FAM114A2: variants seen among roughly 807,000 people sequenced by gnomAD.
The protein encoded by FAM114A2 is family with sequence similarity 114 member A2, also known as protein FAM114A2.
FAM114A2 carries 53 observed loss-of-function variants against 58.4 expected under a neutral mutation model. That is an observed-to-expected ratio of 0.91 (90% confidence interval 0.73 to 1.14). The LOEUF (loss-of-function observed/expected upper bound fraction) is 1.14, where lower values mean the gene tolerates loss of function less well. Among genes scored for constraint, FAM114A2 ranks in the 50% most tolerant of loss-of-function variants. FAM114A2 has a pLI of 0.00. For synonymous variants in FAM114A2, 228 were observed against 211.4 expected (o/e 1.08, Z -0.68); for missense variants, 601 against 581.1 (o/e 1.03, Z -0.35).
chr5:154,019,821 C>T (rs928718628), intron 8 of FAM114A2, among the ~76,000 whole-genome samples: 4 of 152,060 alleles, frequency 2.6e-5, no homozygotes, highest in South Asian at 2.1e-4. Context: ...GGGATAATTG[C>T]TAGCCACATG....
chr5:154,031,202 T>C (rs978173446), intron 4 of FAM114A2, among the ~76,000 whole-genome samples: 3 of 149,244 alleles, frequency 2.0e-5, no homozygotes, highest in Non-Finnish European at 4.4e-5. Flanking sequence ...ATCCCAGCTA[T>C]TTGGGAGGCT....
Position 153,997,837 on chromosome 5 carries a change from G to A in FAM114A2, c.1295C>T (p.Ser432Phe). 1 of 1,603,528 alleles carries A rather than the reference G, an allele frequency of 6.2e-7. No homozygotes were observed. The highest frequency in any genetic ancestry group is 8.5e-7 in the Non-Finnish European group (1 of 1,170,666). Reference protein sequence around the residue: ...IVLCKELSSLSKEFTTCLTTA... With the variant: ...IVLCKELSSLFKEFTTCLTTA... ...TGTTAGGCAGGTAGTGAACTCTTTA[G>A]ACAGAGAGGACAACTCTTTACACAA... The change falls in exon 12 of 14, where the codon TCT becomes TTT. Residue 432 changes from serine to phenylalanine, a missense_variant. By Grantham distance (155) the Ser-to-Phe change is radical (BLOSUM62 -2). Coordinates refer to ENST00000351797, the MANE Select transcript of FAM114A2 (RefSeq NM_018691.4).
chr5:154,035,403 C>T (rs2113519595), intron 1 of FAM114A2, among the ~76,000 whole-genome samples: 1 of 152,298 alleles, frequency 6.6e-6, no homozygotes, highest in East Asian at 1.9e-4. Context: ...TCCTCCATCT[C>T]TGTAATTCTG....
chr5:154,029,519 G>A lies in FAM114A2; in HGVS notation c.465C>T (p.Phe155=). 1 of 1,610,564 alleles carries A rather than the reference G, an allele frequency of 6.2e-7. No individual in the cohort carries two copies. Among genetic ancestry groups the A allele is most frequent in the South Asian group, 1.1e-5 (1 of 90,948 alleles). The change falls in exon 5 of 14, where the codon TTC becomes TTT. Residue 155 remains phenylalanine, a synonymous_variant. Coordinates refer to ENST00000351797, the MANE Select transcript of FAM114A2 (RefSeq NM_018691.4). ...TCTGAACAGCAGTAGAGATGGTAGA[G>A]AATACACCAAATGCCCCAGCCACTG... The part of the protein sequence containing the change: ...SSPVAGAFGV[F]STISTAVQST...
At chr5:154,010,161 A>C (rs578204483) in intron 9 of FAM114A2, among the ~76,000 whole-genome samples, 1 of 152,248 alleles carries the variant, frequency 6.6e-6, no homozygotes, top group Admixed American at 6.5e-5. Flanking sequence ...ATATGTATAC[A>C]TGTATTTACA....
At chr5:154,033,732 T>G in intron 4 of FAM114A2, 59 bp downstream of exon 4, 1 of 997,024 alleles carries the variant, frequency 1.0e-6, no homozygotes, top group Non-Finnish European at 1.6e-6. Context: ...ACTGAAAAAT[T>G]AGTTCAACTG....
chr5:154,011,423 T>A (rs1451456374), intron 8 of FAM114A2, 103 bp from the exon 9 acceptor site: 3 of 704,390 alleles, frequency 4.3e-6, no homozygotes, highest in Admixed American at 4.6e-5. Flanking sequence ...GCAGTGACAG[T>A]AGTAGTAATA....
chr5:154,004,320 A>C (rs1446786840), intron 9 of FAM114A2, among the ~76,000 whole-genome samples: 1 of 152,110 alleles, frequency 6.6e-6, no homozygotes, highest in Non-Finnish European at 1.5e-5. Context: ...CTAACTGGCC[A>C]GTCTCTTAAA....
chr5:154,033,438 C>A (rs180858321), intron 4 of FAM114A2, among the ~76,000 whole-genome samples: 207 of 151,650 alleles, frequency 1.4e-3, no homozygotes, highest in Non-Finnish European at 8.2e-4. Flanking sequence ...TATCATGTCA[C>A]AACAGACTCA....
intron 10 of FAM114A2, 76 bp from the exon 11 acceptor site, chr5:154,002,466 T>A: frequency 6.8e-7 from 1 of 1,464,746 alleles, no homozygotes; most frequent in Non-Finnish European, 9.5e-7. Context: ...TCTCTCATAC[T>A]ACAGGATTTG....
chr5:154,009,533 C>T (rs1167218231), intron 9 of FAM114A2, among the ~76,000 whole-genome samples: 3 of 152,042 alleles, frequency 2.0e-5, no homozygotes, highest in Non-Finnish European at 4.4e-5. Flanking sequence ...TGATGAATAG[C>T]AGGATATTTG....
chr5:154,029,543 T>C lies in FAM114A2; in HGVS notation c.441A>G (p.Pro147=), dbSNP rs149089180. 103 of 1,610,794 alleles carry C rather than the reference T, an allele frequency of 6.4e-5. No individual in the cohort carries two copies. The highest frequency in any genetic ancestry group is 1.5e-4 in the Admixed American group (9 of 59,868). The change falls in exon 5 of 14, where the codon CCA becomes CCG. Residue 147 remains proline, a synonymous_variant. Coordinates refer to ENST00000351797, the MANE Select transcript of FAM114A2 (RefSeq NM_018691.4). ...TNAKENENSS[P]VAGAFGVFST... ...AGAATACACCAAATGCCCCAGCCACTGGGGAGGAGTTTTCATTCTCTTTGG... is the reference window on the plus strand; with the variant it reads ...AGAATACACCAAATGCCCCAGCCACCGGGGAGGAGTTTTCATTCTCTTTGG...
Position 153,997,800 on chromosome 5 carries a change from T to G in FAM114A2, c.1329+3A>C, listed in dbSNP as rs777655292. ...TATTGCAGTAAGAGGCATGGATTCT[T>G]ACCCCAGCAGTTGTTAGGCAGGTAG... On this transcript the variant is annotated splice_donor_region_variant and intron_variant, in intron 12 of 13. Coordinates refer to ENST00000351797, the MANE Select transcript of FAM114A2 (RefSeq NM_018691.4). 3 of 1,541,112 alleles carry G rather than the reference T, an allele frequency of 1.9e-6. No individual in the cohort carries two copies. In the South Asian group the frequency reaches 3.4e-5, roughly 17 times the overall value.
At position 153,998,476 on chromosome 5, in the gene FAM114A2, T is replaced by G. The variant is rs187392225; in HGVS notation, c.1257-601A>C. Among the ~76,000 whole-genome samples the G allele has an allele frequency of 1.6e-4, 24 of 152,312 alleles. No individual in the cohort carries two copies. The East Asian group carries it at 4.6e-3, about 29-fold the overall frequency. ...CACAGTAGTCAGTGAGTTCTCACTC[T>G]GGGGGGAATAAATTAGGTCCCAGAG... On this transcript the variant is annotated intron_variant, in intron 11 of 13. Coordinates refer to ENST00000351797, the MANE Select transcript of FAM114A2 (RefSeq NM_018691.4).
intron 8 of FAM114A2, among the ~76,000 whole-genome samples, chr5:154,016,842 G>C (rs532212179): frequency 6.6e-6 from 1 of 152,198 alleles, no homozygotes; most frequent in East Asian, 1.9e-4. Flanking sequence ...AGAATTGCAA[G>C]AAGGATAAGA....
intron 12 of FAM114A2, among the ~76,000 whole-genome samples, chr5:153,995,900 C>T (rs545077427): frequency 2.0e-5 from 3 of 152,150 alleles, no homozygotes; most frequent in Admixed American, 2.0e-4. Context: ...TACAGAGTTG[C>T]TCTTTAAAAC....
intron 9 of FAM114A2, 84 bp downstream of exon 9, chr5:154,011,157 G>A: frequency 9.1e-7 from 1 of 1,099,736 alleles, no homozygotes; most frequent in East Asian, 2.4e-5. Context: ...TGACACCTCT[G>A]CCAGGAATTT....
In FAM114A2 at chr5:153,990,151, A is replaced by C. The variant is rs1173344490; in HGVS notation, c.*2825T>G. On this transcript the variant is annotated 3_prime_UTR_variant, in exon 14 of 14. Coordinates refer to ENST00000351797, the MANE Select transcript of FAM114A2 (RefSeq NM_018691.4). ...CATTTGTGAAATATCACACTTGTTG[A>C]GTGCCCACTGTGGGTATAATTTTAT... 1 of 152,182 alleles carries C rather than the reference A, an allele frequency of 6.6e-6. No homozygotes were observed. The highest frequency in any genetic ancestry group is 1.5e-5 in the Non-Finnish European group (1 of 68,040). 9.4% of individuals were successfully genotyped at this position (152,182 alleles called of 1,614,324 possible).
intron 13 of FAM114A2, 130 bp downstream of exon 13, chr5:153,994,789 T>C: frequency 1.6e-6 from 1 of 631,730 alleles, no homozygotes; most frequent in Non-Finnish European, 2.8e-6. Context: ...ACTATTTCTG[T>C]CATATCTACA....
Sources: allele counts gnomAD v4.1 joint callset (sites outside exome capture counted in the v4.1 genomes callset), GRCh38; gene constraint gnomAD v4.1.1; transcripts MANE v1.5; gene names NCBI Gene and HGNC (gene_info 2026-07-23, HGNC 2026-07-21).